The following SMAD3 variants were observed in gnomAD, a reference collection of about 807,000 sequenced individuals.
SMAD3 encodes the protein MAD homolog 3.
SMAD3 carries 12 observed loss-of-function variants against 51.8 expected under a neutral mutation model. The observed-to-expected ratio is 0.23, with a 90% CI of 0.15 to 0.38. The LOEUF is 0.38. Ranked by LOEUF, SMAD3 falls within the 10% of genes least tolerant of loss-of-function variation. SMAD3 has a pLI of 1.00. For synonymous variants in SMAD3, 238 were observed against 227.7 expected (o/e 1.05, Z -0.41); for missense variants, 294 against 565.6 (o/e 0.52, Z 4.87).
chr15:67,175,379 G>A (rs747519412), intron 5 of SMAD3, among the ~76,000 whole-genome samples: 5 of 152,118 alleles, frequency 3.3e-5, no homozygotes, highest in South Asian at 2.1e-4. Context: ...GGCTGATGCC[G>A]GATGCAGTGC....
At chr15:67,080,900 C>T (rs1960266861) in intron 1 of SMAD3, among the ~76,000 whole-genome samples, 1 of 152,208 alleles carries the variant, frequency 6.6e-6, no homozygotes, top group South Asian at 2.1e-4. Context: ...TCCTCCTTCT[C>T]TTGCCCCAGA....
intron 1 of SMAD3, among the ~76,000 whole-genome samples, chr15:67,121,536 T>C (rs1002529817): frequency 2.8e-4 from 43 of 152,198 alleles, no homozygotes; most frequent in African/African-American, 9.9e-4. Flanking sequence ...GAGCTTGCTC[T>C]TGGGGCAGTT....
At chr15:67,162,864 T>G (rs1962466302) in intron 1 of SMAD3, among the ~76,000 whole-genome samples, 1 of 151,978 alleles carries the variant, frequency 6.6e-6, no homozygotes, top group African/African-American at 2.4e-5. Context: ...TTCAGCAAAG[T>G]GGGGTGCCAT....
At chr15:67,103,129 A>G (rs1013270411) in intron 1 of SMAD3, among the ~76,000 whole-genome samples, 1 of 152,040 alleles carries the variant, frequency 6.6e-6, no homozygotes, top group African/African-American at 2.4e-5. Context: ...CATCTGCCCA[A>G]ATTTGATTGT....
intron 1 of SMAD3, among the ~76,000 whole-genome samples, chr15:67,140,927 A>G (rs1432863419): frequency 2.0e-5 from 3 of 152,198 alleles, no homozygotes; most frequent in African/African-American, 7.2e-5. Flanking sequence ...ACTTGTTGCC[A>G]GATCTTCTGA....
In SMAD3 at chr15:67,065,629, C is replaced by T. The variant is rs1285500983; in HGVS notation, c.-526C>T. On this transcript the variant is annotated 5_prime_UTR_variant, in exon 1 of 9. Coordinates refer to ENST00000327367, the MANE Select transcript of SMAD3 (RefSeq NM_005902.4). ...AACACAGACTGGGAGCGGGCGGGAG[C>T]GGGAGCGCGGCGCACGCCCCGGGCC... 6.8e-6 allele frequency among the ~76,000 whole-genome samples: 1 copy of T among 148,114 alleles called. No homozygotes were observed. Among genetic ancestry groups the T allele is most frequent in the East Asian group, 2.1e-4 (1 of 4,784 alleles).
At chr15:67,182,272 A>G (rs1444158007) in intron 6 of SMAD3, among the ~76,000 whole-genome samples, 1 of 152,238 alleles carries the variant, frequency 6.6e-6, no homozygotes, top group African/African-American at 2.4e-5. Context: ...TCTAGCCCCC[A>G]GAACATAAGT....
At chr15:67,092,995 T>C (rs1465842) in intron 1 of SMAD3, among the ~76,000 whole-genome samples, 92,947 of 151,980 alleles carry the variant, frequency 0.61, 28,749 homozygotes, top group East Asian at 0.79. Flanking sequence ...TTAGGAGGCT[T>C]GTAGCCTGCT....
At chr15:67,157,797 C>T (rs1962323419) in intron 1 of SMAD3, among the ~76,000 whole-genome samples, 1 of 152,200 alleles carries the variant, frequency 6.6e-6, no homozygotes, top group Non-Finnish European at 1.5e-5. Flanking sequence ...GGCTGTGGCT[C>T]TCACCACCAT....
At chr15:67,138,381 C>T in intron 1 of SMAD3, 1 of 437,936 alleles carries the variant, frequency 2.3e-6, no homozygotes, top group Non-Finnish European at 4.2e-6. Context: ...AGCTTGCTTG[C>T]CATCGCAGTG....
At chr15:67,142,959 C>A in intron 1 of SMAD3, 1 of 360,658 alleles carries the variant, frequency 2.8e-6, no homozygotes, top group Non-Finnish European at 5.8e-6. Context: ...TCTGGCATGT[C>A]CTTTTGCTCA....
chr15:67,111,931 G>A (rs938649390), intron 1 of SMAD3, among the ~76,000 whole-genome samples: 1 of 151,942 alleles, frequency 6.6e-6, no homozygotes, highest in East Asian at 1.9e-4. Context: ...GGGATTACGG[G>A]TGTGTGCCAC....
intron 1 of SMAD3, among the ~76,000 whole-genome samples, chr15:67,135,279 T>G (rs1961629854): frequency 6.6e-6 from 1 of 152,178 alleles, no homozygotes; most frequent in African/African-American, 2.4e-5. Flanking sequence ...CTTCTCACCC[T>G]GGGTCCCAGC....
intron 1 of SMAD3, among the ~76,000 whole-genome samples, chr15:67,126,440 C>G (rs1308894658): frequency 6.6e-6 from 1 of 152,184 alleles, no homozygotes; most frequent in Non-Finnish European, 1.5e-5. Context: ...TAATGGAACT[C>G]TTGGGGTACA....
At chr15:67,144,755 T>G (rs906589895) in intron 1 of SMAD3, among the ~76,000 whole-genome samples, 1 of 152,242 alleles carries the variant, frequency 6.6e-6, no homozygotes, top group African/African-American at 2.4e-5. Context: ...GAGGTCTTGC[T>G]TTCCACAGGC....
chr15:67,122,850 T>C (rs1961296942), intron 1 of SMAD3, among the ~76,000 whole-genome samples: 2 of 152,160 alleles, frequency 1.3e-5, no homozygotes, highest in African/African-American at 4.8e-5. Context: ...CCTCAGTTTC[T>C]TCATCTGTAA....
chr15:67,093,155 T>A (rs2140216152), intron 1 of SMAD3, among the ~76,000 whole-genome samples: 1 of 152,332 alleles, frequency 6.6e-6, no homozygotes, highest in East Asian at 1.9e-4. Flanking sequence ...GAAGGAACCC[T>A]GGTGTCAGGA....
Position 67,192,666 on chromosome 15 carries a change from A to G in SMAD3, c.*2130A>G. On this transcript the variant is annotated 3_prime_UTR_variant, in exon 9 of 9. Transcript: ENST00000327367. ...CGATCCTATGAGGGCTTCCTGTGGC[A>G]CACAGCCCTCTGGGTGCTTGGGAAC... The G allele has an allele frequency of 4.3e-6, 1 of 233,278 alleles. No individual in the cohort carries two copies. The highest frequency in any genetic ancestry group is 6.0e-5 in the East Asian group (1 of 16,706). 14.5% of individuals were successfully genotyped at this position (233,278 alleles called of 1,614,324 possible).
At position 67,185,845 on chromosome 15, in the gene SMAD3, G is replaced by A. The variant is rs1021185913; in HGVS notation, c.1009+981G>A. 2.6e-5 allele frequency among the ~76,000 whole-genome samples: 4 copies of A among 152,270 alleles called. No individual in the cohort carries two copies. In the East Asian group the frequency reaches 7.7e-4, roughly 29 times the overall value. ...AGCCCACAGAACATGGCCTGTGACA[G>A]ACTAGTGGAGCAGGTAACCTGGCCA... On this transcript the variant is annotated intron_variant, in intron 7 of 8. Transcript: ENST00000327367.
Sources: gnomAD v4.1 joint callset for allele counts (sites outside exome capture counted in the v4.1 genomes callset) on GRCh38, gnomAD v4.1.1 for gene constraint, MANE v1.5 for transcripts, NCBI Gene and HGNC (gene_info 2026-07-23, HGNC 2026-07-21) for gene names.